Variants in LINGO2 observed in about 807,000 individuals in gnomAD.
LINGO2 encodes leucine-rich repeat and immunoglobulin-like domain-containing nogo receptor-interacting protein 2.
LINGO2 carries 14 observed loss-of-function variants against 30.6 expected under a neutral mutation model. The ratio of observed to expected loss-of-function variants is 0.46; its 90% CI spans 0.30 to 0.72. The LOEUF (loss-of-function observed/expected upper bound fraction) is 0.72, where lower values mean the gene tolerates loss of function less well. Ranked by LOEUF, LINGO2 falls within the 30% of genes least tolerant of loss-of-function variation. The pLI is 0.07. For missense variants in LINGO2, 729 were observed against 751.7 expected, an observed-to-expected ratio of 0.97 and a Z score of 0.35; for synonymous variants, 317 against 288.5, an observed-to-expected ratio of 1.10 and a Z score of -1.00.
intron 1 of LINGO2, among the ~76,000 whole-genome samples, chr9:28,622,288 T>C (rs1268729209): frequency 6.6e-6 from 1 of 151,930 alleles, no homozygotes; most frequent in African/African-American, 2.4e-5. Context: ...CCATCCCAAC[T>C]TCCTCCTAAT....
At chr9:28,962,762 C>T in the LINGO2 span, among the ~76,000 whole-genome samples, 4 of 151,488 alleles carry the variant, frequency 2.6e-5, no homozygotes, top group Non-Finnish European at 4.4e-5. Flanking sequence ...TATATCTATA[C>T]ATTTATTATA....
At chr9:28,057,378 CTTAT>C (rs1430599927) in intron 4 of LINGO2, among the ~76,000 whole-genome samples, 13 of 151,564 alleles carry the variant, frequency 8.6e-5, no homozygotes, top group Non-Finnish European at 1.2e-4. Context: ...CTTTCTCAAG[CTTAT>C]TTAATTATGG....
the LINGO2 span, among the ~76,000 whole-genome samples, chr9:28,870,226 A>C: frequency 6.6e-6 from 1 of 152,050 alleles, no homozygotes; most frequent in African/African-American, 2.4e-5. Flanking sequence ...TTTTCATAAA[A>C]TCCACAAAGT....
the LINGO2 span, among the ~76,000 whole-genome samples, chr9:28,936,070 G>A: frequency 1.3e-5 from 2 of 152,070 alleles, no homozygotes; most frequent in Middle Eastern, 3.4e-3. Context: ...AGATAGTAAG[G>A]GAAATTTATT....
At chr9:28,447,378 TAGAA>T (rs1824465524) in intron 2 of LINGO2, among the ~76,000 whole-genome samples, 3 of 152,204 alleles carry the variant, frequency 2.0e-5, no homozygotes, top group African/African-American at 4.8e-5. Context: ...AGGACACAAC[TAGAA>T]GGTACCATGT....
At chr9:27,952,290 A>G (rs1335127934) in intron 5 of LINGO2, among the ~76,000 whole-genome samples, 1 of 152,060 alleles carries the variant, frequency 6.6e-6, no homozygotes, top group Non-Finnish European at 1.5e-5. Flanking sequence ...AACAAGAAAT[A>G]CATAGAACTA....
intron 3 of LINGO2, among the ~76,000 whole-genome samples, chr9:28,314,812 G>A (rs867185603): frequency 1.3e-5 from 2 of 151,814 alleles, no homozygotes; most frequent in African/African-American, 4.8e-5. Context: ...ATGAAACCCC[G>A]TCTCTACTAA....
chr9:28,315,206 G>A (rs997903603), intron 3 of LINGO2, among the ~76,000 whole-genome samples: 3 of 150,610 alleles, frequency 2.0e-5, no homozygotes, highest in Middle Eastern at 3.5e-3. Context: ...AATTCAAGAC[G>A]AGCCTGCCCA....
the LINGO2 span, among the ~76,000 whole-genome samples, chr9:28,861,110 ATATT>A: frequency 8.3e-6 from 1 of 120,088 alleles, no homozygotes; most frequent in African/African-American, 3.3e-5. Context: ...TATATAAAAT[ATATT>A]TATATAATAT....
the LINGO2 span, among the ~76,000 whole-genome samples, chr9:29,057,677 G>A: frequency 6.6e-6 from 1 of 152,064 alleles, no homozygotes. Context: ...AAACTACATA[G>A]AGGCCCTGCC....
At chr9:28,480,660 T>A (rs1825923464) in intron 1 of LINGO2, among the ~76,000 whole-genome samples, 1 of 152,110 alleles carries the variant, frequency 6.6e-6, no homozygotes, top group African/African-American at 2.4e-5. Flanking sequence ...CCACCTCACC[T>A]TGCAACTGGC....
chr9:28,264,374 T>G (rs1822672481), intron 4 of LINGO2, among the ~76,000 whole-genome samples: 1 of 151,978 alleles, frequency 6.6e-6, no homozygotes, highest in Non-Finnish European at 1.5e-5. Context: ...TATCTGTACA[T>G]AAAAATATTA....
intron 4 of LINGO2, among the ~76,000 whole-genome samples, chr9:28,252,793 A>C (rs1401973930): frequency 6.6e-6 from 1 of 152,126 alleles, no homozygotes; most frequent in African/African-American, 2.4e-5. Flanking sequence ...CACAGTGAGT[A>C]GTAATAGTAC....
chr9:28,843,270 A>T, the LINGO2 span, among the ~76,000 whole-genome samples: 1 of 151,916 alleles, frequency 6.6e-6, no homozygotes, highest in Non-Finnish European at 1.5e-5. Flanking sequence ...TAAAAATGAC[A>T]ATTACATAGT....
chr9:28,220,756 G>T (rs7872142), intron 4 of LINGO2, among the ~76,000 whole-genome samples: 25 of 152,042 alleles, frequency 1.6e-4, no homozygotes, highest in African/African-American at 5.5e-4. Context: ...GCCTACCATC[G>T]GTCTCCAGAA....
the LINGO2 span, among the ~76,000 whole-genome samples, chr9:29,147,425 A>C: frequency 6.6e-6 from 1 of 152,112 alleles, no homozygotes; most frequent in East Asian, 1.9e-4. Context: ...TTAGCACACA[A>C]ATTTAGGAAA....
chr9:28,010,904 G>A (rs1822521963), intron 5 of LINGO2, among the ~76,000 whole-genome samples: 1 of 152,204 alleles, frequency 6.6e-6, no homozygotes, highest in Non-Finnish European at 1.5e-5. Flanking sequence ...GCTGCAGTGA[G>A]CCATGCTCAG....
intron 3 of LINGO2, among the ~76,000 whole-genome samples, chr9:28,319,542 C>CGGTT (rs1456700973): frequency 6.6e-6 from 1 of 152,060 alleles, no homozygotes; most frequent in African/African-American, 2.4e-5. Flanking sequence ...CTACCACAAC[C>CGGTT]CCTCAGCAAC....
At chr9:29,124,342 A>C in the LINGO2 span, among the ~76,000 whole-genome samples, 1 of 152,202 alleles carries the variant, frequency 6.6e-6, no homozygotes, top group Non-Finnish European at 1.5e-5. Flanking sequence ...CATTCAAGAC[A>C]CAGGCATGGG....
Sources: gnomAD v4.1 joint callset for allele counts (sites outside exome capture counted in the v4.1 genomes callset) on GRCh38, gnomAD v4.1.1 for gene constraint, MANE v1.5 for transcripts, NCBI Gene and HGNC (gene_info 2026-07-23, HGNC 2026-07-21) for gene names.